The following CORO2B variants were observed in gnomAD, a reference collection of about 807,000 sequenced individuals.
The protein encoded by CORO2B is coronin-2B.
Under a neutral mutation model 58.8 loss-of-function variants are expected in CORO2B, and 26 were observed. That is an observed-to-expected ratio of 0.44 (90% confidence interval 0.32 to 0.61). The LOEUF is 0.61. CORO2B is among the 20% of genes least tolerant of loss of function. CORO2B has a pLI of 0.04. For missense variants in CORO2B, 460 were observed against 645.1 expected (o/e 0.71, Z 3.11); for synonymous variants, 242 against 253.8 (o/e 0.95, Z 0.44).
At position 68,674,920 on chromosome 15, in the gene CORO2B, T is replaced by C. The variant is rs1902526492; in HGVS notation, c.217-20220T>C. On this transcript the variant is annotated intron_variant, in intron 2 of 11. Transcript: ENST00000261861. ...TCTCTTTAGGGGTATTTTTATTTTA[T>C]TTTGAGAGCAGCAAGGTGGAGCACG... Among the ~76,000 whole-genome samples, 6 of 152,350 alleles carry C rather than the reference T, an allele frequency of 3.9e-5. No homozygotes were observed. In the South Asian group the frequency reaches 1.2e-3, roughly 32 times the overall value.
At chr15:68,605,534 G>A (rs907278058) in intron 1 of CORO2B, among the ~76,000 whole-genome samples, 7 of 152,160 alleles carry the variant, frequency 4.6e-5, no homozygotes, top group African/African-American at 1.7e-4. Context: ...AAATGATATG[G>A]CAGTGTGGGA....
Position 68,719,692 on chromosome 15 carries a change from T to C in CORO2B, c.1311+140T>C, listed in dbSNP as rs1041023769. ...GACAAATGCCATAAGTAGCCTGATA[T>C]TGGCTTCTGATGCTTCTGACCCCAA... On this transcript the variant is annotated intron_variant, in intron 11 of 11. Coordinates refer to ENST00000261861, the MANE Select transcript of CORO2B (RefSeq NM_006091.5). 24 of 983,716 alleles carry C rather than the reference T, an allele frequency of 2.4e-5. No individual in the cohort carries two copies. The African/African-American group carries it at 3.1e-4, about 13-fold the overall frequency. 60.9% of individuals were successfully genotyped at this position (983,716 alleles called of 1,614,324 possible).
At chr15:68,539,241 A>G in the CORO2B span, among the ~76,000 whole-genome samples, 1 of 152,200 alleles carries the variant, frequency 6.6e-6, no homozygotes, top group Admixed American at 6.5e-5. Context: ...CTCTACTGAC[A>G]ACGCTTACCA....
At chr15:68,577,700 G>T (rs1352422513), upstream of CORO2B, among the ~76,000 whole-genome samples, 1 of 140,182 alleles carries the variant, frequency 7.1e-6, no homozygotes, top group Non-Finnish European at 1.5e-5. Flanking sequence ...CAGCCTGGGC[G>T]ACAGAGTGAG....
At chr15:68,596,556 C>T (rs1275968213) in intron 1 of CORO2B, among the ~76,000 whole-genome samples, 2 of 152,138 alleles carry the variant, frequency 1.3e-5, no homozygotes, top group East Asian at 1.9e-4. Context: ...TGGGTTCTGG[C>T]TCCCATAAGG....
chr15:68,697,292 T>G (rs1567012487), intron 3 of CORO2B, among the ~76,000 whole-genome samples: 1 of 151,942 alleles, frequency 6.6e-6, no homozygotes, highest in Non-Finnish European at 1.5e-5. Context: ...ATGAGTAAAA[T>G]TGATGATGGA....
intron 1 of CORO2B, among the ~76,000 whole-genome samples, chr15:68,621,957 G>T (rs1032279218): frequency 6.6e-6 from 1 of 151,896 alleles, no homozygotes; most frequent in Non-Finnish European, 1.5e-5. Flanking sequence ...GTAGAGATAG[G>T]TTCTCACTAT....
At chr15:68,545,892 C>G in the CORO2B span, among the ~76,000 whole-genome samples, 1 of 152,146 alleles carries the variant, frequency 6.6e-6, no homozygotes, top group Non-Finnish European at 1.5e-5. Context: ...GTGCCAGGGC[C>G]CAGGAAGACT....
chr15:68,669,031 C>A (rs1369311286), intron 2 of CORO2B, among the ~76,000 whole-genome samples: 2 of 147,618 alleles, frequency 1.4e-5, no homozygotes, highest in African/African-American at 5.0e-5. Context: ...TGAGCCAAGA[C>A]CACACCACTG....
intron 1 of CORO2B, among the ~76,000 whole-genome samples, chr15:68,603,758 C>T (rs1900040035): frequency 6.6e-6 from 1 of 152,186 alleles, no homozygotes; most frequent in East Asian, 1.9e-4. Context: ...GAAACCAACC[C>T]TGCTGGACCT....
intron 1 of CORO2B, among the ~76,000 whole-genome samples, chr15:68,605,873 C>T (rs1041728750): frequency 2.6e-5 from 4 of 151,748 alleles, no homozygotes; most frequent in African/African-American, 7.3e-5. Flanking sequence ...TACAGGCACC[C>T]GCCACCACAC....
At chr15:68,684,897 ACTCT>A (rs914001925) in intron 2 of CORO2B, among the ~76,000 whole-genome samples, 3 of 152,064 alleles carry the variant, frequency 2.0e-5, no homozygotes, top group Admixed American at 6.5e-5. Flanking sequence ...TTTTATAATG[ACTCT>A]CTCTCTTTTA....
rs1007688152 is a variant in CORO2B, at chr15:68,710,039, G to A, written c.334-693G>A. On this transcript the variant is annotated intron_variant, in intron 3 of 11. Transcript: ENST00000261861. This position sits in a 1 kb window ranked among gnomAD's most constrained non-coding sequence, Gnocchi z 4.1. ...TCAGTCTCTCCCTGTCTGGGGCCACGTGGTCTCCTCTCTGCTTCTCTCTGC... is the reference window on the plus strand; with the variant it reads ...TCAGTCTCTCCCTGTCTGGGGCCACATGGTCTCCTCTCTGCTTCTCTCTGC... 2.6e-5 allele frequency among the ~76,000 whole-genome samples: 4 copies of A among 152,204 alleles called. No individual in the cohort carries two copies. The highest frequency in any genetic ancestry group is 1.3e-4 in the Admixed American group (2 of 15,278).
At chr15:68,636,199 C>A (rs1164720330) in intron 1 of CORO2B, among the ~76,000 whole-genome samples, 3 of 152,158 alleles carry the variant, frequency 2.0e-5, no homozygotes, top group Non-Finnish European at 2.9e-5. Flanking sequence ...GTGTGATGAG[C>A]CAGGAGCAAG....
chr15:68,671,221 G>T (rs1902382874), intron 2 of CORO2B, among the ~76,000 whole-genome samples: 1 of 152,154 alleles, frequency 6.6e-6, no homozygotes, highest in Non-Finnish European at 1.5e-5. Flanking sequence ...CGACATAATA[G>T]GAATTATTCT....
chr15:68,531,559 A>AAG, the CORO2B span, among the ~76,000 whole-genome samples: 1 of 134,090 alleles, frequency 7.5e-6, no homozygotes, highest in African/African-American at 2.9e-5. Flanking sequence ...AAGGAAGGAA[A>AAG]GAAAGAGAAA....
chr15:68,642,701 T>C (rs1024113708), intron 1 of CORO2B, among the ~76,000 whole-genome samples: 4 of 152,084 alleles, frequency 2.6e-5, no homozygotes, highest in African/African-American at 4.8e-5. Context: ...ACCCCCAGGA[T>C]GGAAGAGGCT....
chr15:68,625,980 G>T (rs1900669714), intron 1 of CORO2B, among the ~76,000 whole-genome samples: 1 of 152,168 alleles, frequency 6.6e-6, no homozygotes, highest in African/African-American at 2.4e-5. Context: ...CTGAGTTTGT[G>T]TTCCATCCTG....
intron 1 of CORO2B, among the ~76,000 whole-genome samples, 185 bp downstream of exon 1, chr15:68,579,462 G>C (rs1487110494): frequency 1.3e-5 from 2 of 152,044 alleles, no homozygotes; most frequent in Non-Finnish European, 2.9e-5. Flanking sequence ...CGGAGGCCAG[G>C]GGGAGGATGC....
Sources: gnomAD v4.1 joint callset for allele counts (sites outside exome capture counted in the v4.1 genomes callset) on GRCh38, gnomAD v4.1.1 for gene constraint, Gnocchi (gnomAD v3.1) non-coding constraint, MANE v1.5 for transcripts, NCBI Gene and HGNC (gene_info 2026-07-23, HGNC 2026-07-21) for gene names.